FRMD5: variants seen among roughly 807,000 people sequenced by gnomAD.
The protein encoded by FRMD5 is FERM domain-containing protein 5.
Under a neutral mutation model 69.0 loss-of-function variants are expected in FRMD5, and 20 were observed. That is an observed-to-expected ratio of 0.29 (90% CI 0.20 to 0.42). The LOEUF is 0.42. FRMD5 is among the 10% of genes least tolerant of loss of function. The probability of loss-of-function intolerance (pLI) is 1.00; values close to 1 mark genes in which losing one functional copy is unlikely to be tolerated. For missense variants in FRMD5, 595 were observed against 708.6 expected (o/e 0.84, Z 1.82); for synonymous variants, 271 against 260.1 (o/e 1.04, Z -0.40).
chr15:44,098,554 T>A (rs1163126904), intron 1 of FRMD5, among the ~76,000 whole-genome samples: 1 of 143,060 alleles, frequency 7.0e-6, no homozygotes, highest in East Asian at 2.1e-4. Context: ...GAGAGAGACA[T>A]AAGCAGAAAA....
intron 1 of FRMD5, among the ~76,000 whole-genome samples, chr15:44,166,296 T>C (rs972093561): frequency 6.6e-6 from 1 of 152,172 alleles, no homozygotes; most frequent in Non-Finnish European, 1.5e-5. Context: ...TAATGGATGA[T>C]GATGATGGTG....
At chr15:44,174,626 T>C (rs963487833) in intron 1 of FRMD5, among the ~76,000 whole-genome samples, 2 of 152,218 alleles carry the variant, frequency 1.3e-5, no homozygotes, top group Non-Finnish European at 1.5e-5. Flanking sequence ...TACTTTTCAA[T>C]GTAAAAGAAA....
At chr15:43,982,186 A>T (rs1035398821) in intron 1 of FRMD5, among the ~76,000 whole-genome samples, 1 of 152,172 alleles carries the variant, frequency 6.6e-6, no homozygotes, top group African/African-American at 2.4e-5. Context: ...TGATTCCCTG[A>T]CCTAGAGGCT....
intron 13 of FRMD5, among the ~76,000 whole-genome samples, chr15:43,882,063 A>G (rs2088543205): frequency 6.6e-6 from 1 of 152,186 alleles, no homozygotes. Context: ...GTCCTAAAAA[A>G]ACACCATCTT....
intron 1 of FRMD5, among the ~76,000 whole-genome samples, chr15:44,122,659 C>T (rs1415633330): frequency 6.6e-6 from 1 of 152,126 alleles, no homozygotes; most frequent in Non-Finnish European, 1.5e-5. Flanking sequence ...CCGAGGGGCC[C>T]AACCCAGGCT....
chr15:44,078,673 C>A (rs781329503), intron 1 of FRMD5, among the ~76,000 whole-genome samples: 1 of 152,028 alleles, frequency 6.6e-6, no homozygotes, highest in African/African-American at 2.4e-5. Flanking sequence ...AACAAGAATG[C>A]CAAGACCATT....
At chr15:43,965,156 A>T (rs779401265) in intron 1 of FRMD5, among the ~76,000 whole-genome samples, 4 of 152,226 alleles carry the variant, frequency 2.6e-5, no homozygotes, top group Non-Finnish European at 5.9e-5. Context: ...GATGCACAAA[A>T]GCAAATACAG....
chr15:44,051,139 CTTTTTTTTTTTTTTTTT>C (rs779951038), intron 1 of FRMD5, among the ~76,000 whole-genome samples: 8 of 78,396 alleles, frequency 1.0e-4, no homozygotes, highest in East Asian at 4.9e-4. Context: ...CATTCAGTCA[CTTTTTTTTTTTTTTTTT>C]TTTTTTTTTT....
At chr15:44,169,372 T>C (rs1373810711) in intron 1 of FRMD5, among the ~76,000 whole-genome samples, 1 of 151,034 alleles carries the variant, frequency 6.6e-6, no homozygotes, top group Non-Finnish European at 1.5e-5. Flanking sequence ...GGAATTAGAA[T>C]CCTTCCATAA....
At chr15:43,888,045 C>A in intron 10 of FRMD5, 130 bp downstream of exon 10, 1 of 643,982 alleles carries the variant, frequency 1.6e-6, no homozygotes, top group South Asian at 2.0e-5. Flanking sequence ...CCTGGCTTCT[C>A]AGTAACTGTC....
At chr15:44,012,761 G>GTTTT (rs35690752) in intron 1 of FRMD5, among the ~76,000 whole-genome samples, 48 of 120,830 alleles carry the variant, frequency 4.0e-4, no homozygotes, top group African/African-American at 1.2e-3. Flanking sequence ...AAGTTATTGG[G>GTTTT]TTTTTTTTTT....
intron 1 of FRMD5, among the ~76,000 whole-genome samples, chr15:43,976,115 TA>T (rs34505005): frequency 0.26 from 36,914 of 140,406 alleles, 8,922 homozygotes; most frequent in African/African-American, 0.64. Context: ...TTCCATATAT[TA>T]AAAAAAAAAA....
intron 1 of FRMD5, among the ~76,000 whole-genome samples, chr15:44,189,128 G>A (rs2078151833): frequency 1.3e-5 from 2 of 152,174 alleles, no homozygotes; most frequent in Admixed American, 1.3e-4. Flanking sequence ...TCTAACGGTA[G>A]CAGGCAAAAG....
intron 1 of FRMD5, among the ~76,000 whole-genome samples, chr15:44,146,741 G>C (rs1270519644): frequency 6.6e-6 from 1 of 152,144 alleles, no homozygotes; most frequent in East Asian, 1.9e-4. Context: ...TTTCTCTAAT[G>C]ATCAGTGATG....
intron 4 of FRMD5, among the ~76,000 whole-genome samples, chr15:43,918,532 C>T (rs1377668894): frequency 1.3e-5 from 2 of 152,172 alleles, no homozygotes; most frequent in African/African-American, 4.8e-5. Context: ...CAAAGCCTTA[C>T]AGGATAACCC....
chr15:44,085,723 G>A lies in FRMD5; in HGVS notation c.102+109230C>T, dbSNP rs1894170683. Among the ~76,000 whole-genome samples the A allele has an allele frequency of 2.0e-5, 3 of 152,254 alleles. No homozygotes were observed. In the South Asian group the frequency reaches 6.2e-4, roughly 32 times the overall value. On this transcript the variant is annotated intron_variant, in intron 1 of 13. Coordinates refer to ENST00000417257, the MANE Select transcript of FRMD5 (RefSeq NM_032892.5). ...TTACTCTACCAGCAGTATGGCTAAT[G>A]AATTTTGAGGTAACCAAACCTGAGG...
At chr15:43,886,367 T>A (rs1296783677) in intron 10 of FRMD5, among the ~76,000 whole-genome samples, 2 of 152,208 alleles carry the variant, frequency 1.3e-5, no homozygotes, top group Non-Finnish European at 2.9e-5. Context: ...TTAACTTTAA[T>A]AAAAGTCCGT....
chr15:43,957,776 T>C (rs1290664809), intron 1 of FRMD5, among the ~76,000 whole-genome samples: 1 of 152,266 alleles, frequency 6.6e-6, no homozygotes, highest in African/African-American at 2.4e-5. Flanking sequence ...CTTTCATTGA[T>C]TATTAATTCA....
chr15:44,153,907 G>A lies in FRMD5; in HGVS notation c.102+41046C>T, dbSNP rs536378123. Reference sequence around the variant, plus strand: ...TGCTTGAACCCAGGAGGTAGAGGTTGCAGTAAGCCAAGATGGCGCCACTGC... The same window carrying A: ...TGCTTGAACCCAGGAGGTAGAGGTTACAGTAAGCCAAGATGGCGCCACTGC... On this transcript the variant is annotated intron_variant, in intron 1 of 13. Coordinates refer to ENST00000417257, the MANE Select transcript of FRMD5 (RefSeq NM_032892.5). Among the ~76,000 whole-genome samples, 10 of 152,224 alleles carry A rather than the reference G, an allele frequency of 6.6e-5. No individual in the cohort carries two copies. The South Asian group carries it at 1.5e-3, about 22-fold the overall frequency.
Sources: gnomAD v4.1 joint callset for allele counts (sites outside exome capture counted in the v4.1 genomes callset) on GRCh38, gnomAD v4.1.1 for gene constraint, MANE v1.5 for transcripts, NCBI Gene and HGNC (gene_info 2026-07-23, HGNC 2026-07-21) for gene names.